The following ZFYVE28 variants were observed in gnomAD, a reference collection of about 807,000 sequenced individuals.
ZFYVE28 encodes the protein lateral signaling target protein 2 homolog.
ZFYVE28 carries 40 observed loss-of-function variants against 82.1 expected under a neutral mutation model. That is an observed-to-expected ratio of 0.49 (90% CI 0.38 to 0.63). ZFYVE28 has a LOEUF of 0.63. Ranked by LOEUF, ZFYVE28 falls within the 30% of genes least tolerant of loss-of-function variation. ZFYVE28 has a pLI of 0.00. For synonymous variants in ZFYVE28, 612 were observed against 546.1 expected (o/e 1.12, Z -1.68); for missense variants, 1,321 against 1,242.1 (o/e 1.06, Z -0.96).
chr4:2,288,453 C>T (rs1018822105), intron 8 of ZFYVE28, among the ~76,000 whole-genome samples: 2 of 152,218 alleles, frequency 1.3e-5, no homozygotes, highest in East Asian at 1.9e-4. Flanking sequence ...AGTGGAGCAG[C>T]AGCGCCTGCC....
At chr4:2,286,014 C>A (rs958292019) in intron 8 of ZFYVE28, 1 of 152,450 alleles carries the variant, frequency 6.6e-6, no homozygotes, top group Non-Finnish European at 1.5e-5. Flanking sequence ...TCCAGACACT[C>A]TGGGCCCAGT....
chr4:2,290,260 G>A (rs958327155), intron 8 of ZFYVE28, among the ~76,000 whole-genome samples: 3 of 152,232 alleles, frequency 2.0e-5, no homozygotes, highest in African/African-American at 7.2e-5. Context: ...CCACCTGGAA[G>A]GTGTGTGACC....
intron 6 of ZFYVE28, among the ~76,000 whole-genome samples, chr4:2,334,427 G>A (rs1721243757): frequency 1.3e-5 from 2 of 151,906 alleles, no homozygotes; most frequent in African/African-American, 2.4e-5. Flanking sequence ...CCCGCCGCTG[G>A]CCCTAGCCCA....
chr4:2,411,534 C>G (rs553624766), intron 1 of ZFYVE28, among the ~76,000 whole-genome samples: 2 of 152,282 alleles, frequency 1.3e-5, no homozygotes, highest in Admixed American at 6.5e-5. Context: ...CCAAATGGGA[C>G]TCATGTAAAA....
At chr4:2,324,351 T>C (rs1037128379) in intron 6 of ZFYVE28, 1 of 152,248 alleles carries the variant, frequency 6.6e-6, no homozygotes, top group African/African-American at 2.4e-5. Flanking sequence ...ATCTTTAAAA[T>C]ACCTCACAGC....
At chr4:2,326,831 G>C (rs1053965067) in intron 6 of ZFYVE28, among the ~76,000 whole-genome samples, 1 of 152,120 alleles carries the variant, frequency 6.6e-6, no homozygotes, top group Non-Finnish European at 1.5e-5. Flanking sequence ...TTTTCGGATA[G>C]TGTATTGTTA....
chr4:2,312,560 C>G (rs1230144383), intron 7 of ZFYVE28, among the ~76,000 whole-genome samples: 3 of 151,424 alleles, frequency 2.0e-5, no homozygotes, highest in Non-Finnish European at 4.4e-5. Context: ...AACCCCGTCA[C>G]TACTAAAAAT....
chr4:2,402,654 C>T (rs1308272329), intron 1 of ZFYVE28, among the ~76,000 whole-genome samples: 1 of 152,210 alleles, frequency 6.6e-6, no homozygotes, highest in Non-Finnish European at 1.5e-5. Context: ...CGCACAACAA[C>T]ACTCACACAG....
intron 8 of ZFYVE28, among the ~76,000 whole-genome samples, chr4:2,291,029 GC>G (rs1162215882): frequency 6.6e-6 from 1 of 152,224 alleles, no homozygotes; most frequent in African/African-American, 2.4e-5. Context: ...AGCGAAGAGT[GC>G]CTGCACGTGT....
Position 2,300,764 on chromosome 4 carries a change from G to A in ZFYVE28, c.2051+3525C>T, listed in dbSNP as rs566507990. ...TCCTTCATTTGCAGTACACGGAGAC[G>A]CGACTCGCACGTGAGACTGGAAGCC... On this transcript the variant is annotated intron_variant, in intron 8 of 12. Coordinates refer to ENST00000290974, the MANE Select transcript of ZFYVE28 (RefSeq NM_020972.3). This position sits in a 1 kb window ranked among gnomAD's most constrained non-coding sequence, Gnocchi z 4.6. Among the ~76,000 whole-genome samples, 1 of 152,094 alleles carries A rather than the reference G, an allele frequency of 6.6e-6. No individual in the cohort carries two copies. The highest frequency in any genetic ancestry group is 1.5e-5 in the Non-Finnish European group (1 of 68,002).
At chr4:2,411,600 G>A (rs1732525314) in intron 1 of ZFYVE28, among the ~76,000 whole-genome samples, 3 of 152,178 alleles carry the variant, frequency 2.0e-5, no homozygotes, top group Admixed American at 1.3e-4. Context: ...TGACGCATAC[G>A]GGTGCCAGCT....
At position 2,306,104 on chromosome 4, in the gene ZFYVE28, A is replaced by G. The variant is rs114640572; in HGVS notation, c.804-568T>C. Among the ~76,000 whole-genome samples, 1,157 of 152,376 alleles carry G rather than the reference A, an allele frequency of 7.6e-3. 27 individuals are homozygous for G. Among genetic ancestry groups the G allele is most frequent in the African/African-American group, 0.026 (1,099 of 41,592 alleles). ...GCAACCAAAGACAATGCAAGCCATG[A>G]AGGAGGGTGCAGCAGGGCACCTGGC... On this transcript the variant is annotated intron_variant, in intron 7 of 12. Coordinates refer to ENST00000290974, the MANE Select transcript of ZFYVE28 (RefSeq NM_020972.3).
intron 1 of ZFYVE28, chr4:2,406,717 T>C (rs1388671630): frequency 2.0e-5 from 3 of 152,244 alleles, no homozygotes; most frequent in Non-Finnish European, 4.4e-5. Flanking sequence ...GTCTGGGAGG[T>C]GGATTTGCTC....
At chr4:2,326,821 T>G (rs1320009817) in intron 6 of ZFYVE28, among the ~76,000 whole-genome samples, 1 of 152,234 alleles carries the variant, frequency 6.6e-6, no homozygotes, top group Non-Finnish European at 1.5e-5. Flanking sequence ...TTGATTTCTT[T>G]TTTCGGATAG....
Position 2,394,559 on chromosome 4 carries a change from T to G in ZFYVE28, c.39+23726A>C, listed in dbSNP as rs942580942. Among the ~76,000 whole-genome samples, 3 of 152,184 alleles carry G rather than the reference T, an allele frequency of 2.0e-5. No individual in the cohort carries two copies. The highest frequency in any genetic ancestry group is 7.2e-5 in the African/African-American group (3 of 41,456). On this transcript the variant is annotated intron_variant, in intron 1 of 12. Coordinates refer to ENST00000290974, the MANE Select transcript of ZFYVE28 (RefSeq NM_020972.3). The surrounding 1 kb of genome is among the most constrained non-coding windows in gnomAD (Gnocchi z 4.0). Reference sequence around the variant, plus strand: ...CATGAGAAGGGTCATGAACCACAAGTTATGATGGCTCCAGCTGTGTGCACA... The same window carrying G: ...CATGAGAAGGGTCATGAACCACAAGGTATGATGGCTCCAGCTGTGTGCACA...
intron 1 of ZFYVE28, among the ~76,000 whole-genome samples, chr4:2,402,252 G>GCGGGGCCC (rs755017268): frequency 2.6e-5 from 4 of 152,186 alleles, no homozygotes; most frequent in Non-Finnish European, 5.9e-5. Flanking sequence ...TGCTGGGTGG[G>GCGGGGCCC]CGGGGCCCCT....
At chr4:2,319,370 C>T (rs1433448183) in intron 7 of ZFYVE28, among the ~76,000 whole-genome samples, 2 of 152,200 alleles carry the variant, frequency 1.3e-5, no homozygotes, top group Admixed American at 6.5e-5. Flanking sequence ...TGCCAAGGCC[C>T]CAAGAGCTCA....
chr4:2,377,051 TCG>T (rs1483363371), intron 1 of ZFYVE28, among the ~76,000 whole-genome samples: 1 of 151,860 alleles, frequency 6.6e-6, no homozygotes, highest in Non-Finnish European at 1.5e-5. Context: ...AGACGGAGTC[TCG>T]CTCTGTCACC....
chr4:2,331,072 C>T (rs1887364), intron 6 of ZFYVE28: 771,095 of 1,048,708 alleles, frequency 0.74, 267,091 homozygotes, highest in African/African-American at 0.9. Context: ...CAGGGGTAGA[C>T]GCTGGGATGG....
Sources: gnomAD v4.1 joint callset for allele counts (sites outside exome capture counted in the v4.1 genomes callset) on GRCh38, gnomAD v4.1.1 for gene constraint, Gnocchi (gnomAD v3.1) non-coding constraint, MANE v1.5 for transcripts, NCBI Gene and HGNC (gene_info 2026-07-23, HGNC 2026-07-21) for gene names.